IKZF2: variants seen among roughly 807,000 people sequenced by gnomAD.
IKZF2 encodes the protein IKAROS family zinc finger 2, also known as zinc finger protein Helios.
Under a neutral mutation model 49.2 loss-of-function variants are expected in IKZF2, and 15 were observed. That is an observed-to-expected ratio of 0.30 (90% confidence interval 0.20 to 0.47). The LOEUF (loss-of-function observed/expected upper bound fraction) is 0.47, where lower values mean the gene tolerates loss of function less well. Ranked by LOEUF, IKZF2 falls within the 20% of genes least tolerant of loss-of-function variation. The probability of loss-of-function intolerance (pLI) is 1.00; values close to 1 mark genes in which losing one functional copy is unlikely to be tolerated. For synonymous variants in IKZF2, 227 were observed against 221.4 expected, an observed-to-expected ratio of 1.03 and a Z score of -0.23; for missense variants, 567 against 664.6, an observed-to-expected ratio of 0.85 and a Z score of 1.61.
chr2:213,083,374 G>A (rs1299125696), intron 4 of IKZF2, among the ~76,000 whole-genome samples: 2 of 147,050 alleles, frequency 1.4e-5, no homozygotes, highest in Non-Finnish European at 3.0e-5. Context: ...ATTCTCATAG[G>A]ACGGCGAACC....
chr2:213,124,243 C>CGCGT (rs2060161134), intron 4 of IKZF2, among the ~76,000 whole-genome samples: 1 of 99,584 alleles, frequency 1.0e-5, no homozygotes, highest in Admixed American at 9.0e-5. Flanking sequence ...CATGCGCTCG[C>CGCGT]GCGCGCGCGC....
intron 8 of IKZF2, 81 bp from the exon 9 acceptor site, chr2:213,008,165 G>T: frequency 7.0e-7 from 1 of 1,428,438 alleles, no homozygotes; most frequent in South Asian, 1.5e-5. Context: ...AATATGAAAG[G>T]GTACGAAGTT....
intron 7 of IKZF2, among the ~76,000 whole-genome samples, chr2:213,021,071 GGCCTGGTGGTACAT>G (rs1697153074): frequency 6.6e-6 from 1 of 152,106 alleles, no homozygotes. Flanking sequence ...AAACTAGCCA[GGCCTGGTGGTACAT>G]GCCTGTAATC....
chr2:213,025,613 G>T (rs553869023), intron 6 of IKZF2, among the ~76,000 whole-genome samples: 1 of 152,022 alleles, frequency 6.6e-6, no homozygotes, highest in Non-Finnish European at 1.5e-5. Flanking sequence ...TTAAACACAG[G>T]AGACAATATA....
rs533511772 is a variant in IKZF2, at chr2:213,027,451, A to G, written c.575-5321T>C. Among the ~76,000 whole-genome samples, 109 of 152,114 alleles carry G rather than the reference A, an allele frequency of 7.2e-4. 1 individual carries two copies. The highest frequency in any genetic ancestry group is 1.1e-3 in the Non-Finnish European group (76 of 67,976). ...CCAGTGCCACTTACCCCTTCCTCTG[A>G]GGTTCTCACACCTTACTGATAACTC... On this transcript the variant is annotated intron_variant, in intron 6 of 8. Coordinates refer to ENST00000434687, the MANE Select transcript of IKZF2 (RefSeq NM_001387220.1).
At chr2:213,051,622 T>C (rs1294512361) in intron 5 of IKZF2, among the ~76,000 whole-genome samples, 1 of 151,950 alleles carries the variant, frequency 6.6e-6, no homozygotes, top group Non-Finnish European at 1.5e-5. Flanking sequence ...ATTATTTGAT[T>C]CTCTTTCCTA....
At chr2:213,072,292 C>CTT (rs771849497) in intron 4 of IKZF2, among the ~76,000 whole-genome samples, 5 of 122,708 alleles carry the variant, frequency 4.1e-5, no homozygotes, top group South Asian at 2.3e-4. Context: ...GATTCCTTTC[C>CTT]TTTGTTTTTT....
At chr2:213,097,505 A>T (rs1706148570) in intron 4 of IKZF2, among the ~76,000 whole-genome samples, 1 of 152,124 alleles carries the variant, frequency 6.6e-6, no homozygotes, top group South Asian at 2.1e-4. Context: ...ATGTTAAAGT[A>T]TTCAGAAACC....
chr2:213,150,708 G>T (rs1288618041), intron 1 of IKZF2, among the ~76,000 whole-genome samples: 15 of 135,740 alleles, frequency 1.1e-4, no homozygotes, highest in East Asian at 9.7e-4. Flanking sequence ...GAAAAGGGGG[G>T]GGGGGCGGGT....
rs574878271 is a variant in IKZF2 at position 213,080,506 on chromosome 2, A to T, written c.140-23407T>A. ...ACTATTATAATTCAGAAAACTTTGA[A>T]AATGGTTGAAATAGAAAATAAGTGA... On this transcript the variant is annotated intron_variant, in intron 4 of 8. Transcript: ENST00000434687. Among the ~76,000 whole-genome samples, 78 of 152,312 alleles carry T rather than the reference A, an allele frequency of 5.1e-4. 2 individuals are homozygous for T. In the South Asian group the frequency reaches 0.015, roughly 28 times the overall value.
chr2:213,078,226 C>G (rs1170976679), intron 4 of IKZF2, among the ~76,000 whole-genome samples: 1 of 152,098 alleles, frequency 6.6e-6, no homozygotes, highest in African/African-American at 2.4e-5. Flanking sequence ...AAAATGTAGA[C>G]AGTAATATTT....
intron 4 of IKZF2, among the ~76,000 whole-genome samples, chr2:213,075,875 A>T (rs978831682): frequency 6.6e-6 from 1 of 152,140 alleles, no homozygotes; most frequent in African/African-American, 2.4e-5. Context: ...TCTGCCTGGG[A>T]ATAATATTAT....
intron 4 of IKZF2, among the ~76,000 whole-genome samples, chr2:213,077,629 C>T (rs1309815688): frequency 6.9e-6 from 1 of 144,292 alleles, no homozygotes; most frequent in Non-Finnish European, 1.5e-5. Flanking sequence ...GCTCTCTCGC[C>T]CAGGCTGGAG....
At position 213,148,690 on chromosome 2, in the gene IKZF2, T is replaced by C. The variant is rs759832048; in HGVS notation, c.-15-46A>G. ...CCCTTAATACAATGATTCCTTTCAG[T>C]ATCTGCCATTAAATTCTTAACTTAT... is the stretch of plus-strand genomic sequence containing the variant. On this transcript the variant is annotated intron_variant, in intron 2 of 8. Transcript: ENST00000434687. The C allele has an allele frequency of 2.7e-6, 4 of 1,465,062 alleles. No homozygotes were observed. In the South Asian group the frequency reaches 4.7e-5, roughly 17 times the overall value. 90.8% of individuals were successfully genotyped at this position (1,465,062 alleles called of 1,614,324 possible). A position where few individuals can be genotyped will look rare whatever the true frequency, so the allele number is the denominator to read the frequency against.
chr2:213,004,964 C>A lies in IKZF2; in HGVS notation c.*2396G>T, dbSNP rs964151698. 2 of 152,036 alleles carry A rather than the reference C, an allele frequency of 1.3e-5. No homozygotes were observed. Among genetic ancestry groups the A allele is most frequent in the African/African-American group, 4.8e-5 (2 of 41,302 alleles). The allele number at this position is 152,036 out of a possible 1,614,324, so 9.4% of individuals were successfully genotyped here. A position where few individuals can be genotyped will look rare whatever the true frequency, so the allele number is the denominator to read the frequency against. On this transcript the variant is annotated 3_prime_UTR_variant, in exon 9 of 9. Coordinates refer to ENST00000434687, the MANE Select transcript of IKZF2 (RefSeq NM_001387220.1). ...ACCTAAATTTAGTTTCATCCTGGGG[C>A]AGGTAGATACATGATTGTTCATATA...
chr2:213,122,797 A>G (rs1457691609), intron 4 of IKZF2, among the ~76,000 whole-genome samples: 1 of 152,198 alleles, frequency 6.6e-6, no homozygotes. Context: ...AGAAACTCCA[A>G]TCCTTCACAT....
chr2:213,119,314 G>A (rs2125822018), intron 4 of IKZF2, among the ~76,000 whole-genome samples: 1 of 152,192 alleles, frequency 6.6e-6, no homozygotes, highest in East Asian at 1.9e-4. Context: ...GGGCACTGGT[G>A]GCATGCCCCC....
At chr2:213,112,235 T>C (rs1043912735) in intron 4 of IKZF2, among the ~76,000 whole-genome samples, 6 of 151,568 alleles carry the variant, frequency 4.0e-5, no homozygotes, top group Admixed American at 1.3e-4. Context: ...TATTTAACAA[T>C]ACATTAATTC....
intron 4 of IKZF2, among the ~76,000 whole-genome samples, chr2:213,093,429 GCTAT>G (rs1319572034): frequency 6.6e-6 from 1 of 152,044 alleles, no homozygotes; most frequent in African/African-American, 2.4e-5. Context: ...ATACTCTACT[GCTAT>G]CTGAGTGGCC....
Sources: allele counts gnomAD v4.1 joint callset (sites outside exome capture counted in the v4.1 genomes callset), GRCh38; gene constraint gnomAD v4.1.1; transcripts MANE v1.5; gene names NCBI Gene and HGNC (gene_info 2026-07-23, HGNC 2026-07-21).